Variants in MDGA1 observed in about 807,000 individuals in gnomAD.
The protein encoded by MDGA1 is MAM domain containing glycosylphosphatidylinositol anchor 1, also known as MAM domain-containing glycosylphosphatidylinositol anchor protein 1.
Under a neutral mutation model 101.5 loss-of-function variants are expected in MDGA1, and 54 were observed. That is an observed-to-expected ratio of 0.53 (90% CI 0.43 to 0.67). The LOEUF (loss-of-function observed/expected upper bound fraction) is 0.67. Ranked by LOEUF, MDGA1 falls within the 30% of genes least tolerant of loss-of-function variation. The probability of loss-of-function intolerance (pLI) is 0.00; values close to 1 mark genes in which losing one functional copy is unlikely to be tolerated. For missense variants in MDGA1, 1,083 were observed against 1,323.8 expected, an observed-to-expected ratio of 0.82 and a Z score of 2.82; for synonymous variants, 533 against 558.3, an observed-to-expected ratio of 0.95 and a Z score of 0.64.
At chr6:37,639,712 A>C (rs1273859345) in intron 14 of MDGA1, 1 of 152,062 alleles carries the variant, frequency 6.6e-6, no homozygotes, top group African/African-American at 2.4e-5. Context: ...TTTTTTCTGC[A>C]TTATTTTCTT....
intron 1 of MDGA1, among the ~76,000 whole-genome samples, chr6:37,685,697 CAT>C (rs1490248266): frequency 1.3e-5 from 2 of 152,148 alleles, no homozygotes; most frequent in African/African-American, 2.4e-5. Flanking sequence ...ATCCCAGGGA[CAT>C]GTGAACCGAC....
Position 37,637,435 on chromosome 6 carries a change from G to A in MDGA1, c.2801C>T (p.Ala934Val), listed in dbSNP as rs766003255. 4.0e-5 allele frequency: 64 copies of A among 1,613,254 alleles called. No individual in the cohort carries two copies. The highest frequency in any genetic ancestry group is 1.6e-4 in the Middle Eastern group (1 of 6,078). Residue 934 changes from alanine to valine, a missense_variant, in exon 17 of 17, where the codon GCC becomes GTC. Ala to Val is a moderately conservative substitution (Grantham distance 64). This residue lies in a region of MDGA1 where 657 missense variants were observed against 771.4 expected (regional missense o/e 0.85). Transcript: ENST00000434837. ...NKVVVMPGSG[A>V]PCQSSPQLWG... ...CAGCTGTGGGCTGGACTGGCAGGGG[G>A]CTCCACTGCCCGGCATCACCACCAC...
At chr6:37,665,057 A>G (rs1224351572) in intron 1 of MDGA1, among the ~76,000 whole-genome samples, 7 of 152,096 alleles carry the variant, frequency 4.6e-5, no homozygotes, top group Non-Finnish European at 7.3e-5. Flanking sequence ...CCTCTCTCAC[A>G]GTGCCCAGGG....
chr6:37,639,848 T>C (rs1764021876), intron 14 of MDGA1: 1 of 152,204 alleles, frequency 6.6e-6, no homozygotes, highest in Non-Finnish European at 1.5e-5. Flanking sequence ...AATAGATGGA[T>C]GAATAAATGA....
At chr6:37,670,613 T>G (rs1761848287) in intron 1 of MDGA1, among the ~76,000 whole-genome samples, 1 of 152,224 alleles carries the variant, frequency 6.6e-6, no homozygotes, top group Non-Finnish European at 1.5e-5. Context: ...TCTAAAAATG[T>G]CAGCCAGCAT....
intron 1 of MDGA1, among the ~76,000 whole-genome samples, chr6:37,680,000 G>C (rs552450999): frequency 2.6e-4 from 40 of 152,260 alleles, no homozygotes; most frequent in African/African-American, 9.6e-4. Context: ...ATTATATTTA[G>C]TTACTTGATT....
intron 1 of MDGA1, among the ~76,000 whole-genome samples, chr6:37,673,502 G>A (rs1369603320): frequency 6.6e-6 from 1 of 152,244 alleles, no homozygotes; most frequent in Admixed American, 6.5e-5. Context: ...CACCTGGCCT[G>A]CTCCGCCTGG....
At chr6:37,664,992 A>G (rs1320945655) in intron 1 of MDGA1, among the ~76,000 whole-genome samples, 1 of 151,966 alleles carries the variant, frequency 6.6e-6, no homozygotes, top group African/African-American at 2.4e-5. Context: ...AAGGACAGAA[A>G]TGCTCACAGA....
chr6:37,691,344 T>C (rs1762304026), intron 1 of MDGA1, among the ~76,000 whole-genome samples: 1 of 152,196 alleles, frequency 6.6e-6, no homozygotes, highest in Admixed American at 6.5e-5. Context: ...GAGACAATAG[T>C]ACCCCTTGTG....
chr6:37,676,246 C>T (rs565451233), intron 1 of MDGA1, among the ~76,000 whole-genome samples: 23 of 152,316 alleles, frequency 1.5e-4, no homozygotes, highest in African/African-American at 4.1e-4. Context: ...AGGGTAGGAC[C>T]GGAGACACAC....
rs144393462 is a variant in MDGA1 at position 37,668,087 on chromosome 6, C to G, written c.68-3981G>C. On this transcript the variant is annotated intron_variant, in intron 1 of 16. Coordinates refer to ENST00000434837, the MANE Select transcript of MDGA1 (RefSeq NM_153487.4). Reference sequence around the variant, plus strand: ...GCAACATAGTGAGGCTCTGTCTCTACAAAAACTGCAAAAATTAGCCAGGCA... The same window carrying G: ...GCAACATAGTGAGGCTCTGTCTCTAGAAAAACTGCAAAAATTAGCCAGGCA... Among the ~76,000 whole-genome samples, 156 of 151,760 alleles carry G rather than the reference C, an allele frequency of 1.0e-3. 1 individual carries two copies. The highest frequency in any genetic ancestry group is 9.8e-3 in the Admixed American group (149 of 15,242).
chr6:37,636,068 T>TA lies in MDGA1; in HGVS notation c.*1299dup, dbSNP rs112099259. ...ACATACACACATATGCACGCATGCC[T>TA]AAAGAGTCATTCTAGAAGGGGCTGG... On this transcript the variant is annotated 3_prime_UTR_variant, in exon 17 of 17. Coordinates refer to ENST00000434837, the MANE Select transcript of MDGA1 (RefSeq NM_153487.4). 0.035 allele frequency: 7,930 copies of TA among 223,404 alleles called. 226 individuals are homozygous for TA. The highest frequency in any genetic ancestry group is 0.081 in the African/African-American group (3,602 of 44,396). The allele number at this position is 223,404 out of a possible 1,614,324, so 13.8% of individuals were successfully genotyped here.
rs769721178 is a variant in MDGA1, at chr6:37,638,578, G to C, written c.2626C>G (p.Gln876Glu). The C allele has an allele frequency of 6.2e-7, 1 of 1,614,022 alleles. No individual in the cohort carries two copies. The highest frequency in any genetic ancestry group is 1.1e-5 in the South Asian group (1 of 91,084). The change falls in exon 15 of 17, where the codon CAG becomes GAG. Residue 876 changes from glutamine to glutamate, a missense_variant. By Grantham distance (29) the Gln-to-Glu change is conservative. Transcript: ENST00000434837. This position sits in a 1 kb window ranked among gnomAD's most constrained non-coding sequence, Gnocchi z 4.8. ...GGGCTGATGGGCACATGGGCCTGCT[G>C]CCACACATTGCCCTTATTGCCACTG... is the stretch of plus-strand genomic sequence containing the variant. ...SLSGNKGNVW[Q>E]QAHVPISPSG...
chr6:37,654,152 T>C (rs906186641), intron 6 of MDGA1, 122 bp downstream of exon 6: 4 of 1,164,924 alleles, frequency 3.4e-6, no homozygotes, highest in Non-Finnish European at 4.7e-6. Context: ...GAACATCCTC[T>C]GCATGACTCA....
intron 1 of MDGA1, among the ~76,000 whole-genome samples, chr6:37,692,946 T>C (rs1762344845): frequency 3.3e-5 from 5 of 152,212 alleles, no homozygotes; most frequent in Admixed American, 3.3e-4. Flanking sequence ...ATGAGGATCT[T>C]GACCCTAAGG....
At position 37,655,912 on chromosome 6, in the gene MDGA1, C is replaced by G; in HGVS notation, c.383-16G>C. ...TCATCCAGGTCTGCAAGGGCACAGC[C>G]CCCATGGAGTCAGGACTGGGTGACC... On this transcript the variant is annotated splice_polypyrimidine_tract_variant and intron_variant, in intron 3 of 16. Coordinates refer to ENST00000434837, the MANE Select transcript of MDGA1 (RefSeq NM_153487.4). This position sits in a 1 kb window ranked among gnomAD's most constrained non-coding sequence, Gnocchi z 5.1. 6.2e-7 allele frequency: 1 copy of G among 1,604,992 alleles called. No individual in the cohort carries two copies. The highest frequency in any genetic ancestry group is 8.5e-7 in the Non-Finnish European group (1 of 1,175,652).
chr6:37,658,539 G>T, intron 2 of MDGA1, 120 bp from the exon 3 acceptor site: 1 of 1,028,862 alleles, frequency 9.7e-7, no homozygotes, highest in Non-Finnish European at 1.4e-6. Context: ...CGCACGTGGG[G>T]CACACGCAGG....
At chr6:37,657,987 CAGA>C (rs1157046712) in intron 3 of MDGA1, among the ~76,000 whole-genome samples, 2 of 152,230 alleles carry the variant, frequency 1.3e-5, no homozygotes, top group Admixed American at 1.3e-4. Flanking sequence ...TTCTCATCTG[CAGA>C]AGGAGTGTAA....
At position 37,652,180 on chromosome 6, in the gene MDGA1, G is replaced by A; in HGVS notation, c.1143C>T (p.Ser381=). The part of the protein sequence containing the change: ...WFKNGKPARM[S]KRLLVTRNDP... The stretch of plus-strand genomic sequence containing the variant: ...CATTGCGGGTCACCAGCAGCCGCTT[G>A]GACATGCGTGCCGGCTTGCCATTCT... The change falls in exon 7 of 17, where the codon TCC becomes TCT. Residue 381 remains serine, a synonymous_variant. Transcript: ENST00000434837. This position sits in a 1 kb window ranked among gnomAD's most constrained non-coding sequence, Gnocchi z 4.3. 2 of 1,614,032 alleles carry A rather than the reference G, an allele frequency of 1.2e-6. No individual in the cohort carries two copies. The highest frequency in any genetic ancestry group is 1.7e-6 in the Non-Finnish European group (2 of 1,179,898).
Sources: allele counts gnomAD v4.1 joint callset (sites outside exome capture counted in the v4.1 genomes callset), GRCh38; gene constraint gnomAD v4.1.1; regional missense constraint gnomAD v4.1.1; non-coding constraint Gnocchi (gnomAD v3.1); transcripts MANE v1.5; gene names NCBI Gene and HGNC (gene_info 2026-07-23, HGNC 2026-07-21).